The following TBC1D22B variants were observed in gnomAD, a reference collection of about 807,000 sequenced individuals.
The protein encoded by TBC1D22B is chromosome 6 open reading frame 197.
Under a neutral mutation model 69.1 loss-of-function variants are expected in TBC1D22B, and 32 were observed. That is an observed-to-expected ratio of 0.46 (90% confidence interval 0.35 to 0.62). The LOEUF (loss-of-function observed/expected upper bound fraction) is 0.62. Ranked by LOEUF, TBC1D22B falls within the 20% of genes least tolerant of loss-of-function variation. The pLI is 0.00. For synonymous variants in TBC1D22B, 206 were observed against 229.8 expected, an observed-to-expected ratio of 0.90 and a Z score of 0.94; for missense variants, 462 against 630.9, an observed-to-expected ratio of 0.73 and a Z score of 2.87.
intron 1 of TBC1D22B, among the ~76,000 whole-genome samples, chr6:37,262,513 C>T (rs1285569929): frequency 6.6e-6 from 1 of 152,150 alleles, no homozygotes; most frequent in African/African-American, 2.4e-5. Context: ...CTTCCAGGCC[C>T]TTCGTTGTTA....
chr6:37,312,000 G>A (rs1289797786), intron 8 of TBC1D22B, among the ~76,000 whole-genome samples: 1 of 152,190 alleles, frequency 6.6e-6, no homozygotes. Context: ...TTTCTGGAAG[G>A]CTGCTTATGT....
intron 8 of TBC1D22B, among the ~76,000 whole-genome samples, chr6:37,299,675 G>T (rs1767502985): frequency 6.6e-6 from 1 of 152,070 alleles, no homozygotes; most frequent in South Asian, 2.1e-4. Flanking sequence ...TTTTGGATTT[G>T]GTATCTTGCT....
chr6:37,264,410 T>G (rs1245516727), intron 1 of TBC1D22B, among the ~76,000 whole-genome samples: 4 of 152,184 alleles, frequency 2.6e-5, no homozygotes, highest in Non-Finnish European at 5.9e-5. Flanking sequence ...CCTCCCAGAC[T>G]CAAGCAATTC....
chr6:37,301,028 A>G (rs931471747), intron 8 of TBC1D22B, among the ~76,000 whole-genome samples: 2 of 152,112 alleles, frequency 1.3e-5, no homozygotes, highest in African/African-American at 4.8e-5. Context: ...GTTTGTGACT[A>G]TTTTAGATAC....
intron 2 of TBC1D22B, among the ~76,000 whole-genome samples, chr6:37,271,935 C>A (rs34393322): frequency 0.035 from 5,245 of 151,546 alleles, 110 homozygotes; most frequent in Non-Finnish European, 0.051. Flanking sequence ...ATTACTGTAC[C>A]CATAGCCTCT....
At chr6:37,319,606 G>A (rs1266807342) in intron 12 of TBC1D22B, among the ~76,000 whole-genome samples, 1 of 152,194 alleles carries the variant, frequency 6.6e-6, no homozygotes, top group Admixed American at 6.5e-5. Context: ...GAACAGCATT[G>A]GAGGCTATTG....
intron 12 of TBC1D22B, among the ~76,000 whole-genome samples, chr6:37,328,424 T>C (rs1251917236): frequency 6.6e-6 from 1 of 152,246 alleles, no homozygotes; most frequent in African/African-American, 2.4e-5. Flanking sequence ...TGCATAAAGA[T>C]GTTCATTATA....
At chr6:37,324,114 G>A (rs752253140) in intron 12 of TBC1D22B, 1 of 306,316 alleles carries the variant, frequency 3.3e-6, no homozygotes, top group South Asian at 2.7e-5. Context: ...GACTAGAAAG[G>A]CATTTTTACA....
intron 8 of TBC1D22B, among the ~76,000 whole-genome samples, chr6:37,300,075 A>G (rs1404648697): frequency 1.3e-5 from 2 of 151,410 alleles, no homozygotes; most frequent in African/African-American, 4.8e-5. Context: ...TTGTGGCTTT[A>G]ACATTTAACT....
At chr6:37,258,660 T>C (rs1278584098) in intron 1 of TBC1D22B, among the ~76,000 whole-genome samples, 1 of 152,222 alleles carries the variant, frequency 6.6e-6, no homozygotes, top group Non-Finnish European at 1.5e-5. Flanking sequence ...CGTTCATTCT[T>C]CAGTTGTTTA....
chr6:37,262,503 C>T (rs1232153958), intron 1 of TBC1D22B, among the ~76,000 whole-genome samples: 1 of 152,188 alleles, frequency 6.6e-6, no homozygotes, highest in East Asian at 1.9e-4. Flanking sequence ...TTACCTGAGT[C>T]TTCCAGGCCC....
At chr6:37,291,102 A>T in intron 7 of TBC1D22B, 141 bp from the exon 8 acceptor site, 1 of 642,930 alleles carries the variant, frequency 1.6e-6, no homozygotes, top group Non-Finnish European at 2.8e-6. Context: ...GCATTTATAT[A>T]CTTCTTTATC....
chr6:37,321,006 GT>G (rs1768224763), intron 12 of TBC1D22B, among the ~76,000 whole-genome samples: 1 of 152,204 alleles, frequency 6.6e-6, no homozygotes, highest in African/African-American at 2.4e-5. Flanking sequence ...ATATGCAGTT[GT>G]TTTTGTAGAT....
At chr6:37,296,523 T>C (rs1767379005) in intron 8 of TBC1D22B, among the ~76,000 whole-genome samples, 1 of 152,080 alleles carries the variant, frequency 6.6e-6, no homozygotes, top group African/African-American at 2.4e-5. Flanking sequence ...TAATTTTTTG[T>C]ATTTTTTTTA....
intron 8 of TBC1D22B, among the ~76,000 whole-genome samples, chr6:37,299,966 G>A (rs927315996): frequency 2.8e-5 from 4 of 143,878 alleles, no homozygotes; most frequent in East Asian, 2.0e-4. Context: ...CCGAGATCAC[G>A]CCACTGCACT....
intron 1 of TBC1D22B, among the ~76,000 whole-genome samples, chr6:37,268,396 T>C (rs1386518678): frequency 6.6e-6 from 1 of 152,076 alleles, no homozygotes; most frequent in Non-Finnish European, 1.5e-5. Flanking sequence ...GCCCAACTAA[T>C]TTTTTATTTT....
intron 1 of TBC1D22B, among the ~76,000 whole-genome samples, chr6:37,269,194 C>T (rs900842537): frequency 2.0e-5 from 3 of 152,132 alleles, no homozygotes; most frequent in African/African-American, 7.2e-5. Context: ...GCCCAGTGAG[C>T]CTTTCAATTA....
Position 37,279,410 on chromosome 6 carries a change from G to A in TBC1D22B, c.220G>A (p.Asp74Asn), listed in dbSNP as rs531984191. The change falls in exon 3 of 13, where the codon GAT becomes AAT. Residue 74 changes from aspartate (D) to asparagine (N), a missense_variant. By Grantham distance (23) the Asp-to-Asn change is conservative. Around this residue, in one of 2 missense-constraint regions of TBC1D22B, gnomAD observed 237 missense variants for 255.4 expected, o/e 0.93. Coordinates refer to ENST00000373491, the MANE Select transcript of TBC1D22B (RefSeq NM_017772.4). ...TACCAGTGATGCTTGGGACATTGGC[G>A]ATGATGAGGAAGAGGACTTTTCCTC... ...RNTSDAWDIG[D>N]DEEEDFSSPS... is the part of the protein sequence containing the mutation. The A allele has an allele frequency of 1.9e-6, 3 of 1,614,186 alleles. No individual in the cohort carries two copies. Among genetic ancestry groups the A allele is most frequent in the East Asian group, 2.2e-5 (1 of 44,890 alleles).
At chr6:37,315,430 G>A (rs2113783870) in intron 10 of TBC1D22B, among the ~76,000 whole-genome samples, 1 of 151,966 alleles carries the variant, frequency 6.6e-6, no homozygotes, top group Non-Finnish European at 1.5e-5. Flanking sequence ...GGTGGCACAC[G>A]ACTGTAGTCC....
Sources: allele counts gnomAD v4.1 joint callset (sites outside exome capture counted in the v4.1 genomes callset), GRCh38; gene constraint gnomAD v4.1.1; regional missense constraint gnomAD v4.1.1; transcripts MANE v1.5; gene names NCBI Gene and HGNC (gene_info 2026-07-23, HGNC 2026-07-21).